The following CNTNAP4 variants were observed in gnomAD, a reference collection of about 807,000 sequenced individuals.
CNTNAP4 encodes contactin associated protein family member 4.
A neutral mutation model predicts 148.4 loss-of-function variants in CNTNAP4; 98 were observed. The observed-to-expected ratio is 0.66, with a 90% CI of 0.56 to 0.78. The LOEUF (loss-of-function observed/expected upper bound fraction) is 0.78, where lower values mean the gene tolerates loss of function less well. Among genes scored for constraint, CNTNAP4 ranks in the 30% least tolerant of loss-of-function variants. The pLI, the probability that CNTNAP4 is intolerant of heterozygous loss-of-function variation, is 0.00. For missense variants in CNTNAP4, 1,935 were observed against 1,565.6 expected (o/e 1.24, Z -3.98); for synonymous variants, 730 against 565.1 (o/e 1.29, Z -4.14).
At chr16:76,304,735 T>C (rs1054122243) in intron 1 of CNTNAP4, among the ~76,000 whole-genome samples, 3 of 152,146 alleles carry the variant, frequency 2.0e-5, no homozygotes, top group Non-Finnish European at 4.4e-5. Flanking sequence ...GACCAATCAG[T>C]GGGCAATATT....
intron 8 of CNTNAP4, among the ~76,000 whole-genome samples, chr16:76,458,695 C>T (rs2080827529): frequency 6.6e-6 from 1 of 152,192 alleles, no homozygotes; most frequent in African/African-American, 2.4e-5. Flanking sequence ...GTAAATACAG[C>T]TTCACTTGCC....
chr16:76,442,988 A>G (rs1302052354), intron 4 of CNTNAP4, among the ~76,000 whole-genome samples: 1 of 152,154 alleles, frequency 6.6e-6, no homozygotes, highest in East Asian at 1.9e-4. Flanking sequence ...GGGCTAGACT[A>G]AAAAGCGGGG....
At chr16:76,378,415 G>A (rs557243499) in intron 3 of CNTNAP4, among the ~76,000 whole-genome samples, 8 of 152,312 alleles carry the variant, frequency 5.3e-5, no homozygotes, top group Non-Finnish European at 1.0e-4. Flanking sequence ...TAATACGGAA[G>A]TCAGATGGAG....
At chr16:76,475,356 G>A (rs2081533159) in intron 10 of CNTNAP4, among the ~76,000 whole-genome samples, 1 of 152,168 alleles carries the variant, frequency 6.6e-6, no homozygotes, top group Non-Finnish European at 1.5e-5. Flanking sequence ...TAGTCACACG[G>A]TGTTTGATAG....
intron 3 of CNTNAP4, among the ~76,000 whole-genome samples, chr16:76,400,794 G>C (rs1486436246): frequency 6.6e-6 from 1 of 152,088 alleles, no homozygotes; most frequent in Non-Finnish European, 1.5e-5. Flanking sequence ...ATTGAATAAG[G>C]GGTCCTTTCC....
chr16:76,550,225 G>A (rs900734697), intron 21 of CNTNAP4, among the ~76,000 whole-genome samples: 1 of 152,062 alleles, frequency 6.6e-6, no homozygotes, highest in African/African-American at 2.4e-5. Context: ...TTTCTTCATA[G>A]TATTATCAGT....
At chr16:76,425,938 G>C (rs2145036700) in intron 3 of CNTNAP4, among the ~76,000 whole-genome samples, 1 of 152,232 alleles carries the variant, frequency 6.6e-6, no homozygotes, top group Non-Finnish European at 1.5e-5. Flanking sequence ...AGACATTGGG[G>C]GTGATGGCAA....
intron 9 of CNTNAP4, among the ~76,000 whole-genome samples, chr16:76,464,587 T>A (rs1284191103): frequency 6.6e-6 from 1 of 152,220 alleles, no homozygotes; most frequent in Non-Finnish European, 1.5e-5. Context: ...TTACTCCGTG[T>A]TGTGAGACAC....
chr16:76,440,348 A>G (rs1052942948), intron 4 of CNTNAP4, among the ~76,000 whole-genome samples: 7 of 151,908 alleles, frequency 4.6e-5, no homozygotes, highest in African/African-American at 1.7e-4. Flanking sequence ...TTCTATTCCA[A>G]TTTTTCTCTT....
intron 1 of CNTNAP4, among the ~76,000 whole-genome samples, chr16:76,304,997 A>C (rs761136680): frequency 2.0e-5 from 3 of 152,162 alleles, no homozygotes; most frequent in Non-Finnish European, 4.4e-5. Context: ...CAGTTTGTTT[A>C]ATCACTCACC....
At chr16:76,297,191 C>G (rs996579743) in intron 1 of CNTNAP4, among the ~76,000 whole-genome samples, 2 of 152,174 alleles carry the variant, frequency 1.3e-5, no homozygotes, top group African/African-American at 4.8e-5. Flanking sequence ...ATTGATGGCA[C>G]TGTTTAGCTA....
chr16:76,529,391 A>C (rs1465280810), intron 17 of CNTNAP4, among the ~76,000 whole-genome samples: 1 of 152,226 alleles, frequency 6.6e-6, no homozygotes, highest in Non-Finnish European at 1.5e-5. Context: ...AGGACTTAGC[A>C]TCCAGTCACT....
chr16:76,386,948 T>C (rs1269361993), intron 3 of CNTNAP4, among the ~76,000 whole-genome samples: 1 of 152,122 alleles, frequency 6.6e-6, no homozygotes, highest in Non-Finnish European at 1.5e-5. Flanking sequence ...CAACTTGCTT[T>C]TGTTGGCTTT....
At chr16:76,516,695 CA>C (rs1193749596) in intron 15 of CNTNAP4, among the ~76,000 whole-genome samples, 1 of 152,196 alleles carries the variant, frequency 6.6e-6, no homozygotes, top group Non-Finnish European at 1.5e-5. Flanking sequence ...TTAATATATC[CA>C]TACCATGGAA....
rs561746279 is a variant in CNTNAP4 at position 76,410,122 on chromosome 16, C to G, written c.391-17330C>G. 7.3e-5 allele frequency among the ~76,000 whole-genome samples: 11 copies of G among 151,608 alleles called. No homozygotes were observed. The South Asian group carries it at 2.3e-3, about 31-fold the overall frequency. On this transcript the variant is annotated intron_variant, in intron 3 of 23. Coordinates refer to ENST00000611870, the MANE Select transcript of CNTNAP4 (RefSeq NM_033401.5). ...TTGTCTTATTATTTTTTTTCCAGGT[C>G]ATACTAAGGTCTCCAGTACAAAAGT...
intron 2 of CNTNAP4, 30 bp from the exon 3 acceptor site, chr16:76,355,288 A>G (rs1160245251): frequency 2.0e-6 from 3 of 1,472,478 alleles, no homozygotes; most frequent in East Asian, 2.5e-5. Flanking sequence ...TCCTTTCTCA[A>G]TTTTCTCCTG....
At chr16:76,377,579 T>C (rs17766975) in intron 3 of CNTNAP4, among the ~76,000 whole-genome samples, 24,663 of 152,106 alleles carry the variant, frequency 0.16, 2,604 homozygotes, top group East Asian at 0.45. Context: ...GTTTTATGGG[T>C]CAACCACAAG....
At chr16:76,526,455 A>T (rs372035685) in intron 17 of CNTNAP4, among the ~76,000 whole-genome samples, 4 of 152,068 alleles carry the variant, frequency 2.6e-5, no homozygotes, top group Non-Finnish European at 4.4e-5. Flanking sequence ...AAGGGTATGG[A>T]TGGAGGAAAT....
intron 2 of CNTNAP4, among the ~76,000 whole-genome samples, chr16:76,328,036 C>A (rs1567720079): frequency 6.6e-6 from 1 of 152,170 alleles, no homozygotes; most frequent in Non-Finnish European, 1.5e-5. Context: ...GAACGAAATG[C>A]TTCCTGATTC....
Sources: allele counts gnomAD v4.1 joint callset (sites outside exome capture counted in the v4.1 genomes callset), GRCh38; gene constraint gnomAD v4.1.1; transcripts MANE v1.5; gene names NCBI Gene and HGNC (gene_info 2026-07-23, HGNC 2026-07-21).